The following NHSL1 variants were observed in gnomAD, a reference collection of about 807,000 sequenced individuals.
NHSL1 encodes NHS like 1.
In NHSL1, 48 loss-of-function variants were observed where a neutral mutation model predicts 95.0. The ratio of observed to expected loss-of-function variants is 0.51; its 90% CI spans 0.40 to 0.64. The LOEUF is 0.64. Ranked by LOEUF, NHSL1 falls within the 30% of genes least tolerant of loss-of-function variation. NHSL1 has a pLI of 0.00. For missense variants in NHSL1, 1,971 were observed against 2,077.7 expected (o/e 0.95, Z 1.00); for synonymous variants, 783 against 833.9 (o/e 0.94, Z 1.05).
intron 1 of NHSL1, among the ~76,000 whole-genome samples, chr6:138,537,083 GGAAA>G (rs1330456391): frequency 5.9e-5 from 9 of 152,230 alleles, no homozygotes; most frequent in African/African-American, 1.4e-4. Context: ...TTCCTGATGT[GGAAA>G]GAGTTTGTAA....
intron 1 of NHSL1, among the ~76,000 whole-genome samples, chr6:138,588,371 A>G (rs1373276161): frequency 1.3e-5 from 2 of 152,210 alleles, no homozygotes; most frequent in Non-Finnish European, 2.9e-5. Flanking sequence ...TTGAGGCAAG[A>G]GAATCGCTTG....
At chr6:138,573,726 C>A (rs1251653925), upstream of NHSL1, among the ~76,000 whole-genome samples, 1 of 152,106 alleles carries the variant, frequency 6.6e-6, no homozygotes, top group East Asian at 1.9e-4. Flanking sequence ...GTAGTTTAAA[C>A]TCCATGATTT....
chr6:138,684,674 T>TG (rs71549003), intron 1 of NHSL1, among the ~76,000 whole-genome samples: 11 of 150,956 alleles, frequency 7.3e-5, no homozygotes, highest in Admixed American at 7.3e-4. Flanking sequence ...CAAACAAACA[T>TG]GGGGGGCCTG....
At chr6:138,445,693 A>G (rs1443040470) in intron 4 of NHSL1, among the ~76,000 whole-genome samples, 2 of 152,248 alleles carry the variant, frequency 1.3e-5, no homozygotes, top group African/African-American at 4.8e-5. Flanking sequence ...GCCCCTTACA[A>G]GCTCACCAGT....
At chr6:138,517,584 T>C (rs559046925) in intron 1 of NHSL1, among the ~76,000 whole-genome samples, 1 of 152,334 alleles carries the variant, frequency 6.6e-6, no homozygotes, top group East Asian at 1.9e-4. Context: ...AAGCAATGTC[T>C]GAGCACTTAG....
intron 1 of NHSL1, among the ~76,000 whole-genome samples, chr6:138,522,247 GTCAA>G (rs1781714677): frequency 6.6e-6 from 1 of 152,222 alleles, no homozygotes; most frequent in Non-Finnish European, 1.5e-5. Context: ...GACATGTGAA[GTCAA>G]GAAAGTAACT....
chr6:138,466,023 C>T (rs13191556), intron 3 of NHSL1, among the ~76,000 whole-genome samples: 6,582 of 145,968 alleles, frequency 0.045, 367 homozygotes, highest in East Asian at 0.24. Context: ...TGCGCCTGGC[C>T]CCACATACAC....
chr6:138,651,488 C>T (rs200615211), intron 1 of NHSL1, among the ~76,000 whole-genome samples: 1 of 152,298 alleles, frequency 6.6e-6, no homozygotes, highest in East Asian at 1.9e-4. Context: ...GTAGAAACAA[C>T]GAAACTTCAA....
intron 1 of NHSL1, among the ~76,000 whole-genome samples, chr6:138,637,172 G>A (rs1320007776): frequency 6.6e-6 from 1 of 152,034 alleles, no homozygotes; most frequent in African/African-American, 2.4e-5. Flanking sequence ...AATAAATGGC[G>A]CTGGGAAAAC....
In NHSL1 at chr6:138,431,276, G is replaced by A. The variant is rs1416826188; in HGVS notation, c.3069C>T (p.Ala1023=). 1 of 1,503,322 alleles carries A rather than the reference G, an allele frequency of 6.7e-7. No individual in the cohort carries two copies. The highest frequency in any genetic ancestry group is 1.4e-5 in the African/African-American group (1 of 71,662). 93.1% of individuals were successfully genotyped at this position (1,503,322 alleles called of 1,614,324 possible). A position where few individuals can be genotyped will look rare whatever the true frequency, so the allele number is the denominator to read the frequency against. ...PLLPSSEPPP[A]PPLDPKFMKD... is the part of the protein sequence containing the mutation. ...TCATGAATTTGGGGTCAAGAGGTGG[G>A]GCAGGTGGGGGTTCCGAGGAAGGTA... The change falls in exon 6 of 8, where the codon GCC becomes GCT. Residue 1023 remains alanine (A), a synonymous_variant. Coordinates refer to ENST00000343505, the MANE Select transcript of NHSL1 (RefSeq NM_001144060.2). The surrounding 1 kb of genome is among the most constrained non-coding windows in gnomAD (Gnocchi z 4.0).
chr6:138,617,871 G>C (rs1226566860), intron 1 of NHSL1, among the ~76,000 whole-genome samples: 2 of 152,312 alleles, frequency 1.3e-5, no homozygotes, highest in South Asian at 2.1e-4. Flanking sequence ...GTGGGGTGCA[G>C]GGAACTGCAA....
chr6:138,683,960 T>C (rs371603447), intron 1 of NHSL1, among the ~76,000 whole-genome samples: 1 of 152,260 alleles, frequency 6.6e-6, no homozygotes, highest in East Asian at 1.9e-4. Context: ...CCTGTAATCC[T>C]AGCATTTTGG....
intron 1 of NHSL1, among the ~76,000 whole-genome samples, chr6:138,506,152 A>G (rs552855287): frequency 6.6e-6 from 1 of 152,336 alleles, no homozygotes; most frequent in African/African-American, 2.4e-5. Context: ...AAAAATTTAC[A>G]TCATCTACTT....
chr6:138,432,306 G>T lies in NHSL1; in HGVS notation c.2039C>A (p.Ser680Tyr). 4 of 1,551,654 alleles carry T rather than the reference G, an allele frequency of 2.6e-6. No homozygotes were observed. In the South Asian group the frequency reaches 3.6e-5, roughly 14 times the overall value. Residue 680 changes from serine to tyrosine, a missense_variant, in exon 6 of 8, where the codon TCC (serine) becomes TAC (tyrosine). Ser to Tyr is a moderately radical substitution (Grantham distance 144). This residue lies in a region of NHSL1 where 1,602 missense variants were observed against 1,654.5 expected (regional missense o/e 0.97). Transcript: ENST00000343505. The surrounding 1 kb of genome is among the most constrained non-coding windows in gnomAD (Gnocchi z 4.4). ...GCTCTTCTTGGGAATCCTGCGGAGG[G>T]AGTCTGTCCGGGAGGGTGGCAGGGG... is the stretch of plus-strand genomic sequence containing the variant. ...KPPLPPSRTD[S>Y]LRRIPKKSSQ...
At chr6:138,436,643 A>G (rs750579048) in intron 5 of NHSL1, among the ~76,000 whole-genome samples, 11 of 152,292 alleles carry the variant, frequency 7.2e-5, no homozygotes, top group South Asian at 2.1e-4. Context: ...CAGGTTTTCA[A>G]TGTAGATGAA....
intron 1 of NHSL1, chr6:138,650,798 C>T: frequency 1.8e-6 from 1 of 542,906 alleles, no homozygotes; most frequent in South Asian, 1.4e-5. Flanking sequence ...TGGAAACCTG[C>T]TAGATCTCAT....
intron 1 of NHSL1, among the ~76,000 whole-genome samples, chr6:138,587,355 G>A (rs1275158400): frequency 6.6e-6 from 1 of 151,466 alleles, no homozygotes; most frequent in Non-Finnish European, 1.5e-5. Flanking sequence ...GCTGAAGTGG[G>A]TGGATCACCT....
At chr6:138,493,786 G>T (rs1369748133) in intron 2 of NHSL1, among the ~76,000 whole-genome samples, 1 of 152,172 alleles carries the variant, frequency 6.6e-6, no homozygotes, top group Non-Finnish European at 1.5e-5. Flanking sequence ...GGAAGTAAAG[G>T]GATCTAGAAG....
intron 2 of NHSL1, among the ~76,000 whole-genome samples, chr6:138,476,771 A>G (rs1437747020): frequency 6.6e-6 from 1 of 151,982 alleles, no homozygotes; most frequent in East Asian, 1.9e-4. Flanking sequence ...GACTGCAGTG[A>G]GCCCAAGATC....
Sources: allele counts gnomAD v4.1 joint callset (sites outside exome capture counted in the v4.1 genomes callset), GRCh38; gene constraint gnomAD v4.1.1; regional missense constraint gnomAD v4.1.1; non-coding constraint Gnocchi (gnomAD v3.1); transcripts MANE v1.5; gene names NCBI Gene and HGNC (gene_info 2026-07-23, HGNC 2026-07-21).